AFG1L: variants seen among roughly 807,000 people sequenced by gnomAD.
AFG1L encodes the protein AFG1 like ATPase, also known as AFG1-like ATPase.
AFG1L carries 53 observed loss-of-function variants against 62.2 expected under a neutral mutation model. That is an observed-to-expected ratio of 0.85 (90% confidence interval 0.68 to 1.07). The LOEUF is 1.07. Ranked by LOEUF, AFG1L falls within the 50% of genes least tolerant of loss-of-function variation. The pLI is 0.00. For synonymous variants in AFG1L, 228 were observed against 210.3 expected, an observed-to-expected ratio of 1.08 and a Z score of -0.73; for missense variants, 555 against 590.5, an observed-to-expected ratio of 0.94 and a Z score of 0.62.
At chr6:108,508,299 G>A (rs1349764331) in intron 10 of AFG1L, among the ~76,000 whole-genome samples, 1 of 152,124 alleles carries the variant, frequency 6.6e-6, no homozygotes, top group Non-Finnish European at 1.5e-5. Context: ...AACAGAAGTA[G>A]GTTTAAACCA....
chr6:108,493,884 T>A (rs1422360596), intron 10 of AFG1L, among the ~76,000 whole-genome samples: 1 of 152,194 alleles, frequency 6.6e-6, no homozygotes. Flanking sequence ...TCACTCAGGC[T>A]GGAGTGCAGT....
At chr6:108,435,658 G>C (rs1383707475) in intron 7 of AFG1L, among the ~76,000 whole-genome samples, 3 of 152,152 alleles carry the variant, frequency 2.0e-5, no homozygotes, top group African/African-American at 7.2e-5. Flanking sequence ...TGGCACTCAG[G>C]GTGTGGGTAA....
intron 2 of AFG1L, among the ~76,000 whole-genome samples, chr6:108,343,593 C>A (rs899841581): frequency 1.3e-5 from 2 of 152,132 alleles, no homozygotes; most frequent in Non-Finnish European, 2.9e-5. Flanking sequence ...ATAGAATATA[C>A]TTAGAGATTA....
intron 6 of AFG1L, among the ~76,000 whole-genome samples, chr6:108,386,796 G>A (rs1393966933): frequency 6.6e-6 from 1 of 152,190 alleles, no homozygotes; most frequent in African/African-American, 2.4e-5. Context: ...CTATACGAAT[G>A]CAGTGTTTCT....
At chr6:108,485,657 T>TATATATATATATA (rs869070532) in intron 10 of AFG1L, among the ~76,000 whole-genome samples, 20 of 12,594 alleles carry the variant, frequency 1.6e-3, no homozygotes, top group Middle Eastern at 0.083. Flanking sequence ...TATATATATA[T>TATATATATATATA]TTTTTTTTTT....
intron 2 of AFG1L, among the ~76,000 whole-genome samples, chr6:108,341,652 C>T (rs1287024009): frequency 3.3e-5 from 5 of 151,962 alleles, no homozygotes; most frequent in Admixed American, 6.6e-5. Flanking sequence ...ACTCTTCTGC[C>T]ATATCTCTTA....
intron 8 of AFG1L, among the ~76,000 whole-genome samples, chr6:108,455,710 AGT>A (rs1772228835): frequency 2.6e-5 from 4 of 152,248 alleles, no homozygotes; most frequent in Admixed American, 2.6e-4. Flanking sequence ...GGTTATTAAA[AGT>A]GTGTTATTTA....
intron 1 of AFG1L, among the ~76,000 whole-genome samples, chr6:108,317,060 G>A (rs916675066): frequency 1.8e-4 from 28 of 152,204 alleles, no homozygotes; most frequent in African/African-American, 6.7e-4. Context: ...AGAAAAAAAA[G>A]CCCTATATTT....
intron 7 of AFG1L, among the ~76,000 whole-genome samples, chr6:108,431,109 C>CTT (rs11390296): frequency 7.7e-4 from 115 of 149,194 alleles, no homozygotes; most frequent in African/African-American, 8.4e-4. Context: ...TTTATAATTT[C>CTT]TTTTTTTTTT....
intron 6 of AFG1L, chr6:108,387,367 G>A (rs1158709735): frequency 6.6e-6 from 1 of 152,296 alleles, no homozygotes; most frequent in African/African-American, 2.4e-5. Flanking sequence ...GCCATGGTGA[G>A]TGGAGAAAAC....
chr6:108,371,422 T>C (rs1056782011), intron 6 of AFG1L, among the ~76,000 whole-genome samples: 1 of 152,118 alleles, frequency 6.6e-6, no homozygotes, highest in Non-Finnish European at 1.5e-5. Context: ...ATAAAAAATT[T>C]AAAATGAGTT....
rs567155225 is a variant in AFG1L at position 108,298,838 on chromosome 6, T to C, written c.139+3620T>C. On this transcript the variant is annotated intron_variant, in intron 1 of 12. Transcript: ENST00000368977. ...GCCTGGATGGGAGAATACTGGAAGC[T>C]GGGTGATTATTTAGGAGGAAGCTGA... Among the ~76,000 whole-genome samples the C allele has an allele frequency of 2.0e-5, 3 of 152,274 alleles. No homozygotes were observed. In the South Asian group the frequency reaches 6.2e-4, roughly 32 times the overall value.
At chr6:108,381,895 GCTT>G (rs911374806) in intron 6 of AFG1L, among the ~76,000 whole-genome samples, 3 of 151,876 alleles carry the variant, frequency 2.0e-5, no homozygotes, top group Non-Finnish European at 4.4e-5. Context: ...AAATGACTAT[GCTT>G]CTTTGGCAGA....
intron 2 of AFG1L, among the ~76,000 whole-genome samples, chr6:108,331,766 G>A (rs1314007057): frequency 2.0e-5 from 3 of 152,122 alleles, no homozygotes; most frequent in Non-Finnish European, 4.4e-5. Context: ...CCAGAGTCAG[G>A]GAGGGAGAGA....
chr6:108,513,022 T>G (rs537683679), intron 11 of AFG1L, among the ~76,000 whole-genome samples: 31 of 152,270 alleles, frequency 2.0e-4, no homozygotes, highest in African/African-American at 7.2e-4. Flanking sequence ...CAACACATGA[T>G]TTTTAAGTAC....
At chr6:108,358,804 G>A (rs1290814231) in intron 5 of AFG1L, among the ~76,000 whole-genome samples, 2 of 152,228 alleles carry the variant, frequency 1.3e-5, no homozygotes, top group African/African-American at 4.8e-5. Flanking sequence ...AAAGTGCTGG[G>A]ATTACAGGTG....
chr6:108,327,892 C>G (rs1189386259), intron 2 of AFG1L, among the ~76,000 whole-genome samples: 1 of 152,152 alleles, frequency 6.6e-6, no homozygotes, highest in Non-Finnish European at 1.5e-5. Context: ...TTCTTAGAGG[C>G]CGTTAACCAG....
intron 1 of AFG1L, among the ~76,000 whole-genome samples, chr6:108,296,660 A>C (rs1307274934): frequency 6.6e-6 from 1 of 152,220 alleles, no homozygotes; most frequent in African/African-American, 2.4e-5. Context: ...AGTAGCTTGG[A>C]GATCATTCCA....
chr6:108,402,016 C>A lies in AFG1L; in HGVS notation c.769C>A (p.Gln257Lys), dbSNP rs1488479347. 2 of 1,515,318 alleles carry A rather than the reference C, an allele frequency of 1.3e-6. No individual in the cohort carries two copies. Among genetic ancestry groups the A allele is most frequent in the Admixed American group, 4.4e-5 (2 of 45,696 alleles). 93.9% of individuals were successfully genotyped at this position (1,515,318 alleles called of 1,614,324 possible). The part of the protein sequence containing the change: ...PPEDLYKNGL[Q>K]RANFVPFIAV... ...TTCAGATCTCTATAAAAATGGACTC[C>A]AAAGAGCTAACTTTGTACCATTCAT... Residue 257 changes from glutamine to lysine, a missense_variant, in exon 7 of 13, where the codon CAA becomes AAA. Physicochemically the swap from Gln to Lys is moderately conservative, Grantham distance 53. Transcript: ENST00000368977.
Sources: gnomAD v4.1 joint callset for allele counts (sites outside exome capture counted in the v4.1 genomes callset) on GRCh38, gnomAD v4.1.1 for gene constraint, MANE v1.5 for transcripts, NCBI Gene and HGNC (gene_info 2026-07-23, HGNC 2026-07-21) for gene names.